The following RWDD4 variants were observed in gnomAD, a reference collection of about 807,000 sequenced individuals.
The protein encoded by RWDD4 is RWD domain containing 4.
In RWDD4, 16 loss-of-function variants were observed where a neutral mutation model predicts 30.0. The ratio of observed to expected loss-of-function variants is 0.53; its 90% CI spans 0.36 to 0.81. RWDD4 has a LOEUF of 0.81. RWDD4 is among the 30% of genes least tolerant of loss of function. RWDD4 has a pLI of 0.00. For synonymous variants in RWDD4, 45 were observed against 72.1 expected (o/e 0.62, Z 1.90); for missense variants, 170 against 223.9 (o/e 0.76, Z 1.54).
At chr4:183,657,889 T>C (rs1404679079) in intron 1 of RWDD4, among the ~76,000 whole-genome samples, 1 of 152,166 alleles carries the variant, frequency 6.6e-6, no homozygotes, top group Non-Finnish European at 1.5e-5. Context: ...CCACAGAAAT[T>C]CTGATTCAGT....
At chr4:183,655,619 A>G (rs1240999632) in intron 2 of RWDD4, among the ~76,000 whole-genome samples, 5 of 152,204 alleles carry the variant, frequency 3.3e-5, no homozygotes, top group Non-Finnish European at 7.3e-5. Flanking sequence ...ATAAGATTAA[A>G]TAATTTTTAA....
intron 1 of RWDD4, among the ~76,000 whole-genome samples, 176 bp downstream of exon 1, chr4:183,658,753 G>C (rs1734281746): frequency 6.6e-6 from 1 of 152,204 alleles, no homozygotes; most frequent in South Asian, 2.1e-4. Flanking sequence ...GGCAGAGGCG[G>C]ACTCCTGGCC....
chr4:183,650,180 C>T (rs1486977598), intron 4 of RWDD4, among the ~76,000 whole-genome samples: 4 of 152,190 alleles, frequency 2.6e-5, no homozygotes, highest in Non-Finnish European at 4.4e-5. Flanking sequence ...AGATGAGGAA[C>T]TGGGCACAGA....
intron 7 of RWDD4, among the ~76,000 whole-genome samples, chr4:183,643,302 C>G (rs1221455736): frequency 6.9e-6 from 1 of 145,458 alleles, no homozygotes; most frequent in Non-Finnish European, 1.5e-5. Flanking sequence ...TGGCGCATGC[C>G]CATAGTCCCA....
At chr4:183,645,207 TTAAC>T (rs1331466929) in intron 7 of RWDD4, among the ~76,000 whole-genome samples, 1 of 152,188 alleles carries the variant, frequency 6.6e-6, no homozygotes, top group Non-Finnish European at 1.5e-5. Context: ...ATCCTAATCT[TTAAC>T]TACCCTTGCA....
intron 4 of RWDD4, among the ~76,000 whole-genome samples, chr4:183,650,094 A>G (rs1228251579): frequency 6.6e-6 from 1 of 152,228 alleles, no homozygotes; most frequent in Non-Finnish European, 1.5e-5. Context: ...GCATGGCTGC[A>G]AATGTTTTCC....
intron 7 of RWDD4, 60 bp downstream of exon 7, chr4:183,646,291 G>T: frequency 1.3e-6 from 1 of 766,012 alleles, no homozygotes; most frequent in South Asian, 1.5e-5. Context: ...AAAAAAAAAA[G>T]ATCTAAAATT....
At chr4:183,654,258 C>G (rs957403059) in intron 2 of RWDD4, among the ~76,000 whole-genome samples, 3 of 152,184 alleles carry the variant, frequency 2.0e-5, no homozygotes, top group African/African-American at 7.2e-5. Context: ...GCAAGAGGAA[C>G]CCAGAGAAAA....
intron 1 of RWDD4, 117 bp downstream of exon 1, chr4:183,658,812 C>A (rs1579137516): frequency 2.1e-6 from 2 of 959,634 alleles, no homozygotes; most frequent in East Asian, 3.3e-5. Flanking sequence ...GCACCCCGGC[C>A]GGCTCCGAGG....
At chr4:183,650,920 T>C (rs1734060775) in intron 4 of RWDD4, 64 bp downstream of exon 4, 1 of 1,550,722 alleles carries the variant, frequency 6.4e-7, no homozygotes, top group Non-Finnish European at 8.8e-7. Flanking sequence ...GTAGTACAAA[T>C]TTATTGCTAA....
In RWDD4 at chr4:183,651,300, A is replaced by G. The variant is rs1302302266; in HGVS notation, c.133T>C (p.Phe45Leu). The G allele has an allele frequency of 7.4e-6, 12 of 1,612,144 alleles. No individual in the cohort carries two copies. Among genetic ancestry groups the G allele is most frequent in the Non-Finnish European group, 1.0e-5 (12 of 1,179,776 alleles). The stretch of plus-strand genomic sequence containing the variant: ...TCTGTCCAGGAAATCTCTATTAAGA[A>G]GGCTTTGGGATCACCATTTTCACCT... ...RIGENGDPKA[F>L]LIEISWTETY... The change falls in exon 3 of 8, where the codon TTC becomes CTC. Residue 45 changes from phenylalanine to leucine, a missense_variant. Phe to Leu is a conservative substitution (Grantham distance 22). Coordinates refer to ENST00000326397, the MANE Select transcript of RWDD4 (RefSeq NM_152682.4).
intron 1 of RWDD4, among the ~76,000 whole-genome samples, chr4:183,657,388 C>G (rs1178189088): frequency 1.6e-4 from 25 of 152,160 alleles, no homozygotes. Flanking sequence ...ATGACTTGGA[C>G]AGGTACAAAA....
At chr4:183,643,381 A>T (rs1364329359) in intron 7 of RWDD4, among the ~76,000 whole-genome samples, 1 of 128,754 alleles carries the variant, frequency 7.8e-6, no homozygotes, top group African/African-American at 2.9e-5. Context: ...GCGCCACTGA[A>T]CTCCAGCCTG....
chr4:183,643,461 C>G (rs1467934311), intron 7 of RWDD4, among the ~76,000 whole-genome samples: 1 of 99,560 alleles, frequency 1.0e-5, no homozygotes, highest in African/African-American at 3.6e-5. Flanking sequence ...TTTAAGGGCA[C>G]ACATCATCTT....
At chr4:183,643,633 C>T (rs1012571434) in intron 7 of RWDD4, among the ~76,000 whole-genome samples, 6 of 150,028 alleles carry the variant, frequency 4.0e-5, no homozygotes, top group Middle Eastern at 3.2e-3. Context: ...TATCTTCTTT[C>T]GGGCTGGGCA....
intron 5 of RWDD4, among the ~76,000 whole-genome samples, chr4:183,649,146 G>A (rs904072122): frequency 2.4e-4 from 36 of 152,308 alleles, no homozygotes; most frequent in African/African-American, 8.7e-4. Flanking sequence ...GGGCGTGGTG[G>A]CTCACGCCTG....
intron 5 of RWDD4, among the ~76,000 whole-genome samples, chr4:183,646,972 AAT>A (rs1733977546): frequency 6.6e-6 from 1 of 152,198 alleles, no homozygotes; most frequent in Non-Finnish European, 1.5e-5. Context: ...AGGACTCACA[AAT>A]ATATGTCTGG....
At chr4:183,651,749 G>A (rs1579129324) in intron 2 of RWDD4, among the ~76,000 whole-genome samples, 1 of 152,126 alleles carries the variant, frequency 6.6e-6, no homozygotes, top group African/African-American at 2.4e-5. Flanking sequence ...TAAATCCTAG[G>A]AGGCACAACC....
intron 7 of RWDD4, 74 bp from the exon 8 acceptor site, chr4:183,641,542 T>C: frequency 8.6e-7 from 1 of 1,164,460 alleles, no homozygotes; most frequent in East Asian, 2.3e-5. Context: ...GTATCAAAAT[T>C]AAACTATAGG....
Sources: allele counts gnomAD v4.1 joint callset (sites outside exome capture counted in the v4.1 genomes callset), GRCh38; gene constraint gnomAD v4.1.1; transcripts MANE v1.5; gene names NCBI Gene and HGNC (gene_info 2026-07-23, HGNC 2026-07-21).